BCL2L12: variants seen among roughly 807,000 people sequenced by gnomAD.
BCL2L12 encodes bcl-2-like protein 12.
In BCL2L12, 27 loss-of-function variants were observed where a neutral mutation model predicts 25.7. That is an observed-to-expected ratio of 1.05 (90% confidence interval 0.78 to 1.45). The LOEUF is 1.45. Among genes scored for constraint, BCL2L12 ranks in the 40% most tolerant of loss-of-function variants. The probability of loss-of-function intolerance (pLI) is 0.00; values close to 1 mark genes in which losing one functional copy is unlikely to be tolerated. For missense variants in BCL2L12, 302 were observed against 329.8 expected, an observed-to-expected ratio of 0.92 and a Z score of 0.65; for synonymous variants, 132 against 145.6, an observed-to-expected ratio of 0.91 and a Z score of 0.67.
At chr19:49,666,162 A>G in intron 1 of BCL2L12, 95 bp downstream of exon 1, 1 of 1,440,020 alleles carries the variant, frequency 6.9e-7, no homozygotes, top group East Asian at 2.5e-5. Flanking sequence ...TCTGATATCC[A>G]AGGGTCCAGG....
upstream of BCL2L12, chr19:49,665,375 A>G (rs1419783619): frequency 1.1e-5 from 2 of 174,562 alleles, no homozygotes; most frequent in Non-Finnish European, 2.5e-5. Flanking sequence ...TCGAGACTGA[A>G]CTACCCCCAT....
At chr19:49,671,733 G>T (rs1315887623) in intron 6 of BCL2L12, among the ~76,000 whole-genome samples, 1 of 152,152 alleles carries the variant, frequency 6.6e-6, no homozygotes, top group Non-Finnish European at 1.5e-5. Flanking sequence ...GCACTGCCTG[G>T]CATGCAGGCA....
chr19:49,668,606 A>G (rs12977503), intron 3 of BCL2L12, among the ~76,000 whole-genome samples: 1 of 151,978 alleles, frequency 6.6e-6, no homozygotes, highest in Non-Finnish European at 1.5e-5. Flanking sequence ...CCTGGGCAAC[A>G]CGGTGAAACC....
rs527816278 is a variant in BCL2L12, at chr19:49,668,854, C to T, written c.254C>T (p.Pro85Leu). The stretch of plus-strand genomic sequence containing the variant: ...TCATTAACTCTTTTCACCCCAGGCC[C>T]AGCTACTCCAGACTTCTATGCTTTG... ...IRPCYGLEPG[P>L]ATPDFYALVA... is the part of the protein sequence containing the mutation. The change falls in exon 4 of 7, where the codon CCA becomes CTA. Residue 85 changes from proline to leucine, a missense_variant. Transcript: ENST00000246784. 1 of 1,612,478 alleles carries T rather than the reference C, an allele frequency of 6.2e-7. No individual in the cohort carries two copies. Among genetic ancestry groups the T allele is most frequent in the East Asian group, 2.2e-5 (1 of 44,880 alleles).
chr19:49,665,794 T>A, upstream of BCL2L12: 1 of 1,566,446 alleles, frequency 6.4e-7, no homozygotes, highest in Non-Finnish European at 8.7e-7. Flanking sequence ...ACCAACTTTA[T>A]CATTCTTTGG....
At chr19:49,667,359 G>T (rs993792954) in intron 3 of BCL2L12, among the ~76,000 whole-genome samples, 198 bp downstream of exon 3, 3 of 152,168 alleles carry the variant, frequency 2.0e-5, no homozygotes, top group Non-Finnish European at 2.9e-5. Context: ...TGGTCAATCT[G>T]GTTGTTGTCT....
chr19:49,668,092 CTTTTTTT>C (rs764611836), intron 3 of BCL2L12, among the ~76,000 whole-genome samples: 1 of 125,390 alleles, frequency 8.0e-6, no homozygotes, highest in Non-Finnish European at 1.7e-5. Flanking sequence ...CTCTGACATT[CTTTTTTT>C]TTTTTTTTTT....
chr19:49,668,369 G>A (rs1018306282), intron 3 of BCL2L12, among the ~76,000 whole-genome samples: 3 of 152,194 alleles, frequency 2.0e-5, no homozygotes, highest in East Asian at 1.9e-4. Context: ...AAAGTGATGG[G>A]ATTACAGGCG....
chr19:49,668,507 T>A (rs1355152811), intron 3 of BCL2L12, among the ~76,000 whole-genome samples: 2 of 152,060 alleles, frequency 1.3e-5, no homozygotes, highest in Non-Finnish European at 2.9e-5. Context: ...TACCCCATTA[T>A]AAAATGGGAA....
upstream of BCL2L12, chr19:49,665,637 T>C (rs1052457688): frequency 4.2e-5 from 30 of 708,316 alleles, no homozygotes; most frequent in Non-Finnish European, 6.1e-5. Flanking sequence ...TTACCTACGA[T>C]GGAAGGTCGG....
rs573245216 is a variant in BCL2L12 at position 49,666,102 on chromosome 19, G to C, written c.-9+35G>C. On this transcript the variant is annotated intron_variant, in intron 1 of 6. Coordinates refer to ENST00000246784, the MANE Select transcript of BCL2L12 (RefSeq NM_138639.2). ...GTGTTGACGAGGGGTGGGGTGAGGA[G>C]GGAAGAGGAGGGGGCCGGGATCCAG... is the stretch of plus-strand genomic sequence containing the variant. 13 of 1,526,710 alleles carry C rather than the reference G, an allele frequency of 8.5e-6. No individual in the cohort carries two copies. In the African/African-American group the frequency reaches 1.8e-4, roughly 21 times the overall value. 94.6% of individuals were successfully genotyped at this position (1,526,710 alleles called of 1,614,324 possible).
At position 49,666,040 on chromosome 19, in the gene BCL2L12, A is replaced by T. The variant is rs1445800619; in HGVS notation, c.-36A>T. ...GTGGAGGAGACCGCAAGTTGAGTGG[A>T]GGAGGCGGCGGTGGGGCCCCGGACC... is the stretch of plus-strand genomic sequence containing the variant. On this transcript the variant is annotated 5_prime_UTR_variant, in exon 1 of 7. Transcript: ENST00000246784. 1 of 1,555,874 alleles carries T rather than the reference A, an allele frequency of 6.4e-7. No homozygotes were observed. The highest frequency in any genetic ancestry group is 1.2e-5 in the South Asian group (1 of 86,450).
chr19:49,672,758 G>T lies in BCL2L12; in HGVS notation c.703-940G>T, dbSNP rs893927679. 2.6e-5 allele frequency among the ~76,000 whole-genome samples: 4 copies of T among 152,018 alleles called. No individual in the cohort carries two copies. The highest frequency in any genetic ancestry group is 5.9e-5 in the Non-Finnish European group (4 of 67,994). ...AGGTGTGGGGATGGGGGCGATGGGG[G>T]TGGGGAGCAGGACTGGAGGTGGTCC... On this transcript the variant is annotated intron_variant, in intron 6 of 6. Transcript: ENST00000246784. This position sits in a 1 kb window ranked among gnomAD's most constrained non-coding sequence, Gnocchi z 4.1.
rs1281192175 is a variant in BCL2L12, at chr19:49,670,996, T to TA, written c.702+516dup. On this transcript the variant is annotated intron_variant, in intron 6 of 6. Transcript: ENST00000246784. The stretch of plus-strand genomic sequence containing the variant: ...CAACGTGGTGAAACCCTGTGTCTAC[T>TA]AAAAAAAATACATAAATTAGCCGGG... 1.0e-4 allele frequency among the ~76,000 whole-genome samples: 15 copies of TA among 147,926 alleles called. No homozygotes were observed. In the East Asian group the frequency reaches 1.6e-3, roughly 16 times the overall value.
At chr19:49,665,577 C>G, upstream of BCL2L12, 1 of 517,274 alleles carries the variant, frequency 1.9e-6, no homozygotes, top group Non-Finnish European at 3.5e-6. Context: ...CATCCTCTTT[C>G]CCGCTCCTCG....
At chr19:49,673,628 T>C in intron 6 of BCL2L12, 70 bp from the exon 7 acceptor site, 1 of 1,280,694 alleles carries the variant, frequency 7.8e-7, no homozygotes, top group Non-Finnish European at 1.1e-6. Context: ...CTCACAGGGC[T>C]GATGTGGACG....
chr19:49,671,912 C>T (rs1299913364), intron 6 of BCL2L12, among the ~76,000 whole-genome samples: 1 of 152,192 alleles, frequency 6.6e-6, no homozygotes, highest in Non-Finnish European at 1.5e-5. Context: ...CCTGCACACC[C>T]TCCCACCGCC....
chr19:49,666,854 C>G, intron 2 of BCL2L12, 55 bp downstream of exon 2: 1 of 1,525,256 alleles, frequency 6.6e-7, no homozygotes, highest in Non-Finnish European at 8.9e-7. Flanking sequence ...TCCCTCCTAA[C>G]TCTTGCTCCT....
rs1345881658 is a variant in BCL2L12, at chr19:49,672,847, A to G, written c.703-851A>G. Among the ~76,000 whole-genome samples the G allele has an allele frequency of 6.6e-6, 1 of 152,144 alleles. No individual in the cohort carries two copies. Among genetic ancestry groups the G allele is most frequent in the East Asian group, 1.9e-4 (1 of 5,198 alleles). ...GGGAATGGATATAAGTGTTGGGCTC[A>G]GCAAAGAAGCTCGTTTATTTTATTT... On this transcript the variant is annotated intron_variant, in intron 6 of 6. Transcript: ENST00000246784. This position sits in a 1 kb window ranked among gnomAD's most constrained non-coding sequence, Gnocchi z 4.1.
Sources: allele counts gnomAD v4.1 joint callset (sites outside exome capture counted in the v4.1 genomes callset), GRCh38; gene constraint gnomAD v4.1.1; non-coding constraint Gnocchi (gnomAD v3.1); transcripts MANE v1.5; gene names NCBI Gene and HGNC (gene_info 2026-07-23, HGNC 2026-07-21).